The following DCDC2C variants were observed in gnomAD, a reference collection of about 807,000 sequenced individuals.
DCDC2C encodes the protein doublecortin domain-containing protein 2C.
In DCDC2C, 44 loss-of-function variants were observed where a neutral mutation model predicts 45.0. That is an observed-to-expected ratio of 0.98 (90% confidence interval 0.77 to 1.26). The LOEUF (loss-of-function observed/expected upper bound fraction) is 1.26. Among genes scored for constraint, DCDC2C ranks in the 50% most tolerant of loss-of-function variants. The pLI, the probability that DCDC2C is intolerant of heterozygous loss-of-function variation, is 0.00. For synonymous variants in DCDC2C, 187 were observed against 178.8 expected, an observed-to-expected ratio of 1.05 and a Z score of -0.37; for missense variants, 447 against 468.9, an observed-to-expected ratio of 0.95 and a Z score of 0.43.
At chr2:3,771,153 C>T (rs746113823) in intron 8 of DCDC2C, among the ~76,000 whole-genome samples, 6 of 152,344 alleles carry the variant, frequency 3.9e-5, no homozygotes, top group East Asian at 1.9e-4. Flanking sequence ...CTGCATCCTC[C>T]GTGCGTGGCG....
chr2:3,714,397 T>G (rs977533874), intron 2 of DCDC2C, among the ~76,000 whole-genome samples: 53 of 152,286 alleles, frequency 3.5e-4, no homozygotes, highest in African/African-American at 1.1e-3. Context: ...GAAGGACTTC[T>G]ATTATAGTAC....
chr2:3,808,128 T>C (rs1671300526), intron 10 of DCDC2C, among the ~76,000 whole-genome samples: 1 of 152,166 alleles, frequency 6.6e-6, no homozygotes, highest in African/African-American at 2.4e-5. Flanking sequence ...ATATATAGTT[T>C]TGCAACTGTA....
In DCDC2C at chr2:3,703,959, C is replaced by T; in HGVS notation, c.208C>T (p.His70Tyr). 7.6e-7 allele frequency: 1 copy of T among 1,316,400 alleles called. No individual in the cohort carries two copies. The highest frequency in any genetic ancestry group is 9.7e-7 in the Non-Finnish European group (1 of 1,032,516). 81.5% of individuals were successfully genotyped at this position (1,316,400 alleles called of 1,614,324 possible). A position where few individuals can be genotyped will look rare whatever the true frequency, so the allele number is the denominator to read the frequency against. The stretch of plus-strand genomic sequence containing the variant: ...CCGCCTCTTCACGCCCACGCGTGGG[C>T]ACCGGGTGCTGGGGCTGGACGCGCT... The part of the protein sequence containing the change: ...VRRLFTPTRG[H>Y]RVLGLDALQA... The change falls in exon 1 of 11, where the codon CAC (histidine) becomes TAC (tyrosine). Residue 70 changes from histidine to tyrosine, a missense_variant. Coordinates refer to ENST00000399143, the MANE Select transcript of DCDC2C (RefSeq NM_001287444.2). This position sits in a 1 kb window ranked among gnomAD's most constrained non-coding sequence, Gnocchi z 4.4.
intron 10 of DCDC2C, among the ~76,000 whole-genome samples, chr2:3,822,038 T>G (rs1267026737): frequency 6.6e-6 from 1 of 152,230 alleles, no homozygotes. Context: ...TATCTGTGGA[T>G]TTGCCTATTA....
chr2:3,746,962 C>T (rs564624377), intron 4 of DCDC2C, among the ~76,000 whole-genome samples: 15 of 151,862 alleles, frequency 9.9e-5, no homozygotes, highest in East Asian at 5.8e-4. Flanking sequence ...GCCCTGGGAG[C>T]GAGGAGGTGT....
chr2:3,840,536 A>G (rs920036944), intron 10 of DCDC2C, among the ~76,000 whole-genome samples: 18 of 152,196 alleles, frequency 1.2e-4, no homozygotes, highest in African/African-American at 4.3e-4. Context: ...GCATAGTTGT[A>G]TTTTTTACTG....
rs1445899401 is a variant in DCDC2C at position 3,775,950 on chromosome 2, CTGAGCTAGGCAGCTGTCGCTG to C, written c.955-2863_955-2843del. 3.6e-5 allele frequency among the ~76,000 whole-genome samples: 4 copies of C among 110,738 alleles called. 1 individual carries two copies. Among genetic ancestry groups the C allele is most frequent in the East Asian group, 3.1e-4 (1 of 3,208 alleles). 72.6% of individuals were successfully genotyped at this position (110,738 alleles called of 152,430 possible). A position where few individuals can be genotyped will look rare whatever the true frequency, so the allele number is the denominator to read the frequency against. ...GGCTCTGAGCTAGGCAGCTGTGGCTCTGAGCTAGGCAGCTGTCGCTGTGGGCTAGGCAGCTGTGGCTGTGGG... is the reference window on the plus strand; with the variant it reads ...GGCTCTGAGCTAGGCAGCTGTGGCTCTGGGCTAGGCAGCTGTGGCTGTGGG... On this transcript the variant is annotated intron_variant, in intron 8 of 10. Transcript: ENST00000399143.
At position 3,814,817 on chromosome 2, in the gene DCDC2C, C is replaced by T. The variant is rs116225670; in HGVS notation, c.1065+29717C>T. Among the ~76,000 whole-genome samples, 1,421 of 152,362 alleles carry T rather than the reference C, an allele frequency of 9.3e-3. 25 individuals are homozygous for T. The highest frequency in any genetic ancestry group is 0.031 in the African/African-American group (1,304 of 41,588). ...TCAGGTCAGGCCTAAAGAGGCACTC[C>T]GGCCACAGACTGGCACAGCCAGTGT... On this transcript the variant is annotated intron_variant, in intron 10 of 10. Coordinates refer to ENST00000399143, the MANE Select transcript of DCDC2C (RefSeq NM_001287444.2).
At chr2:3,724,739 A>G (rs1316741572) in intron 2 of DCDC2C, among the ~76,000 whole-genome samples, 2 of 152,118 alleles carry the variant, frequency 1.3e-5, no homozygotes, top group African/African-American at 4.8e-5. Flanking sequence ...CTGCTGGGCC[A>G]GGCATGAAGA....
At chr2:3,706,658 A>C (rs529876486) in intron 1 of DCDC2C, among the ~76,000 whole-genome samples, 2 of 152,304 alleles carry the variant, frequency 1.3e-5, no homozygotes, top group East Asian at 3.9e-4. Context: ...GAATGTGAAC[A>C]TGCTATTTGA....
intron 10 of DCDC2C, among the ~76,000 whole-genome samples, chr2:3,787,935 A>G (rs569093530): frequency 7.0e-4 from 107 of 152,348 alleles, no homozygotes; most frequent in African/African-American, 2.5e-3. Context: ...TTGGTTTTAT[A>G]TATTTGAAAT....
chr2:3,756,570 G>A (rs1451107789), intron 6 of DCDC2C, among the ~76,000 whole-genome samples: 2 of 152,244 alleles, frequency 1.3e-5, no homozygotes, highest in African/African-American at 4.8e-5. Flanking sequence ...CCCTGGGTGA[G>A]CCCAGCCTGC....
chr2:3,800,643 C>T lies in DCDC2C; in HGVS notation c.1065+15543C>T, dbSNP rs972697597. On this transcript the variant is annotated intron_variant, in intron 10 of 10. Coordinates refer to ENST00000399143, the MANE Select transcript of DCDC2C (RefSeq NM_001287444.2). ...TTGAGATAATCGTGTGGCTTCAATG[C>T]GCACCAGAAGTGCTTCATGAGTTCT... Among the ~76,000 whole-genome samples the T allele has an allele frequency of 8.9e-5, 11 of 124,082 alleles. 2 individuals carry two copies. The highest frequency in any genetic ancestry group is 1.9e-4 in the Non-Finnish European group (10 of 52,184). 81.4% of individuals were successfully genotyped at this position (124,082 alleles called of 152,430 possible).
chr2:3,705,876 G>C (rs999005059), intron 1 of DCDC2C, among the ~76,000 whole-genome samples: 5 of 152,226 alleles, frequency 3.3e-5, no homozygotes, highest in Non-Finnish European at 7.3e-5. Context: ...ACTGCAGAGG[G>C]AGGGGAGTTG....
At chr2:3,704,334 G>A (rs1265464104) in intron 1 of DCDC2C, among the ~76,000 whole-genome samples, 2 of 149,278 alleles carry the variant, frequency 1.3e-5, no homozygotes, top group African/African-American at 4.9e-5. Flanking sequence ...GTGGGGGAGG[G>A]GCGTGGGGCA....
At position 3,769,313 on chromosome 2, in the gene DCDC2C, G is replaced by C. The variant is rs1468243134; in HGVS notation, c.856G>C (p.Gly286Arg). ...AEPLVQRGAE[G>R]DVYKAPTPSK... ...TTGTCTGTGTGATTTTCTCCCAGAA[G>C]GTGACGTGTATAAAGCACCGACTCC... The change falls in exon 8 of 11, where the codon GGT becomes CGT. Residue 286 changes from glycine (G) to arginine (R), a missense_variant and splice_region_variant. Coordinates refer to ENST00000399143, the MANE Select transcript of DCDC2C (RefSeq NM_001287444.2). The C allele has an allele frequency of 2.6e-6, 4 of 1,549,770 alleles. No homozygotes were observed. In the East Asian group the frequency reaches 7.3e-5, roughly 28 times the overall value.
intron 8 of DCDC2C, among the ~76,000 whole-genome samples, chr2:3,773,665 T>A (rs1346060309): frequency 1.3e-5 from 2 of 152,252 alleles, no homozygotes; most frequent in Admixed American, 6.5e-5. Context: ...GTAACTACTT[T>A]AAGAAGGTGG....
At chr2:3,784,102 G>A (rs1444881357) in intron 9 of DCDC2C, among the ~76,000 whole-genome samples, 3 of 152,110 alleles carry the variant, frequency 2.0e-5, no homozygotes, top group African/African-American at 4.8e-5. Context: ...TTAAAGAAAT[G>A]CAAATAATAA....
At chr2:3,841,411 T>C (rs1244831604) in intron 10 of DCDC2C, among the ~76,000 whole-genome samples, 2 of 150,030 alleles carry the variant, frequency 1.3e-5, no homozygotes, top group Admixed American at 6.7e-5. Flanking sequence ...TATTATTTTA[T>C]ATTACATAAT....
Sources: gnomAD v4.1 joint callset for allele counts (sites outside exome capture counted in the v4.1 genomes callset) on GRCh38, gnomAD v4.1.1 for gene constraint, Gnocchi (gnomAD v3.1) non-coding constraint, MANE v1.5 for transcripts, NCBI Gene and HGNC (gene_info 2026-07-23, HGNC 2026-07-21) for gene names.